The following COQ3 variants were observed in gnomAD, a reference collection of about 807,000 sequenced individuals.
COQ3 encodes ubiquinone biosynthesis O-methyltransferase, mitochondrial.
COQ3 carries 29 observed loss-of-function variants against 33.1 expected under a neutral mutation model. That is an observed-to-expected ratio of 0.88 (90% CI 0.65 to 1.19). The LOEUF is 1.19. Among genes scored for constraint, COQ3 ranks in the 50% most tolerant of loss-of-function variants. The pLI is 0.00. For missense variants in COQ3, 437 were observed against 430.7 expected (o/e 1.01, Z -0.13); for synonymous variants, 173 against 157.8 (o/e 1.10, Z -0.72).
chr6:99,385,202 G>A (rs552624136), intron 1 of COQ3, among the ~76,000 whole-genome samples: 8 of 152,198 alleles, frequency 5.3e-5, no homozygotes, highest in Non-Finnish European at 8.8e-5. Context: ...ACAATTGTAA[G>A]TTGGAGACTT....
chr6:99,375,793 G>C, intron 5 of COQ3, 147 bp downstream of exon 5: 1 of 744,754 alleles, frequency 1.3e-6, no homozygotes, highest in Non-Finnish European at 2.2e-6. Flanking sequence ...CAGCAGAGAT[G>C]CTGTCCCCTC....
chr6:99,381,860 A>G (rs955437030), intron 2 of COQ3, among the ~76,000 whole-genome samples: 7 of 149,174 alleles, frequency 4.7e-5, no homozygotes, highest in Non-Finnish European at 1.0e-4. Context: ...AGGGAGGTGG[A>G]GGCTACAGTG....
intron 1 of COQ3, among the ~76,000 whole-genome samples, chr6:99,393,811 G>GT: frequency 6.6e-6 from 1 of 152,210 alleles, no homozygotes; most frequent in Non-Finnish European, 1.5e-5. Flanking sequence ...CGGCTCCTGG[G>GT]GCAAGGAGCT....
In COQ3 at chr6:99,380,218, G is replaced by A. The variant is rs1387956515; in HGVS notation, c.357C>T (p.Ser119=). 7 of 1,613,800 alleles carry A rather than the reference G, an allele frequency of 4.3e-6. No individual in the cohort carries two copies. The highest frequency in any genetic ancestry group is 4.0e-5 in the African/African-American group (3 of 74,890). ...TAAATGGCACCCTCAGGTCATTCAT[G>A]GAATGAAGAGGTGCATATACTCCTT... ...DEQGVYAPLH[S]MNDLRVPFIR... The change falls in exon 3 of 7, where the codon TCC becomes TCT. Residue 119 remains serine, a synonymous_variant. Transcript: ENST00000254759.
chr6:99,384,821 T>C (rs1186470844), intron 1 of COQ3, among the ~76,000 whole-genome samples: 2 of 151,974 alleles, frequency 1.3e-5, no homozygotes, highest in East Asian at 3.9e-4. Flanking sequence ...ACTAAATGTG[T>C]ATGCACCAGC....
At chr6:99,370,081 G>A (rs1454655071) in intron 6 of COQ3, among the ~76,000 whole-genome samples, 1 of 152,072 alleles carries the variant, frequency 6.6e-6, no homozygotes. Context: ...ATCCCAGCTT[G>A]GGTACCTATT....
At position 99,391,611 on chromosome 6, in the gene COQ3, G is replaced by A. The variant is rs201265053; in HGVS notation, c.106+2463C>T. ...AAATTTTAACAATATCTGCTTTTAC[G>A]GACAGACAACCCTTGATCTCTCTCT... On this transcript the variant is annotated intron_variant, in intron 1 of 6. Transcript: ENST00000254759. Among the ~76,000 whole-genome samples, 1,126 of 151,928 alleles carry A rather than the reference G, an allele frequency of 7.4e-3. 15 individuals are homozygous for A. The highest frequency in any genetic ancestry group is 0.026 in the African/African-American group (1,064 of 41,422).
In COQ3 at chr6:99,394,150, G is replaced by A. The variant is rs376904996; in HGVS notation, c.30C>T (p.Ser10=). 3.1e-6 allele frequency: 5 copies of A among 1,606,754 alleles called. No individual in the cohort carries two copies. Among genetic ancestry groups the A allele is most frequent in the East Asian group, 2.3e-5 (1 of 43,866 alleles). Residue 10 remains serine, a synonymous_variant, in exon 1 of 7, where the codon TCC becomes TCT. Transcript: ENST00000254759. ...CCAGCACTCTTAAAAACCAACCCCC[G>A]GAGGAGCCCAGCTTACGGCCACTCC... The part of the protein sequence containing the change: MWSGRKLGS[S]GGWFLRVLGP...
intron 2 of COQ3, among the ~76,000 whole-genome samples, chr6:99,382,464 C>T (rs1774500863): frequency 6.6e-6 from 1 of 152,132 alleles, no homozygotes; most frequent in African/African-American, 2.4e-5. Flanking sequence ...TTTTAAGATT[C>T]AAGTGTCATT....
chr6:99,393,464 T>C (rs953209222), intron 1 of COQ3, among the ~76,000 whole-genome samples: 5 of 152,214 alleles, frequency 3.3e-5, no homozygotes, highest in Admixed American at 6.5e-5. Flanking sequence ...CCAGTGCTCA[T>C]ACCAGTGTCT....
intron 6 of COQ3, among the ~76,000 whole-genome samples, chr6:99,370,699 A>G (rs1192500841): frequency 1.3e-5 from 2 of 152,112 alleles, no homozygotes; most frequent in Non-Finnish European, 2.9e-5. Flanking sequence ...AATTTACTAC[A>G]TGGCTATGTA....
Position 99,380,304 on chromosome 6 carries a change from T to G in COQ3, c.271A>C (p.Thr91Pro). ...WARLYSTSQT[T>P]VDSGEVKTFL... is the part of the protein sequence containing the mutation. The stretch of plus-strand genomic sequence containing the variant: ...GTTTTTACCTCACCGCTGTCGACAG[T>G]GGTTTGGGAAGTACTGTACAGTCTC... The change falls in exon 3 of 7, where the codon ACT (threonine) becomes CCT (proline). Residue 91 changes from threonine (T) to proline (P), a missense_variant. Physicochemically the swap from Thr to Pro is conservative, Grantham distance 38. Transcript: ENST00000254759. The G allele has an allele frequency of 1.9e-6, 3 of 1,613,994 alleles. No individual in the cohort carries two copies. Among genetic ancestry groups the G allele is most frequent in the Non-Finnish European group, 2.5e-6 (3 of 1,179,972 alleles).
intron 2 of COQ3, among the ~76,000 whole-genome samples, chr6:99,382,740 G>T (rs993874959): frequency 6.6e-6 from 1 of 152,098 alleles, no homozygotes; most frequent in Non-Finnish European, 1.5e-5. Flanking sequence ...GATCACCTGA[G>T]ATCAGGAGTT....
chr6:99,370,806 G>A lies in COQ3; in HGVS notation c.889+622C>T, dbSNP rs186301666. On this transcript the variant is annotated intron_variant, in intron 6 of 6. Transcript: ENST00000254759. Reference sequence around the variant, plus strand: ...AGTCTAAGTACTCAACAGGAATACCGAATGCCAAATAAATGAACTGACAAG... The same window carrying A: ...AGTCTAAGTACTCAACAGGAATACCAAATGCCAAATAAATGAACTGACAAG... Among the ~76,000 whole-genome samples, 8 of 151,978 alleles carry A rather than the reference G, an allele frequency of 5.3e-5. No individual in the cohort carries two copies. In the South Asian group the frequency reaches 6.2e-4, roughly 12 times the overall value.
At chr6:99,370,521 G>T (rs1376608039) in intron 6 of COQ3, among the ~76,000 whole-genome samples, 1 of 151,506 alleles carries the variant, frequency 6.6e-6, no homozygotes, top group Non-Finnish European at 1.5e-5. Context: ...GCTAATTTTT[G>T]TATTTTTAGT....
chr6:99,392,532 T>C (rs1774859925), intron 1 of COQ3, among the ~76,000 whole-genome samples: 1 of 151,318 alleles, frequency 6.6e-6, no homozygotes, highest in South Asian at 2.1e-4. Context: ...CTTTACCTTC[T>C]GCCCTCCACC....
chr6:99,374,722 T>C (rs1774236687), intron 5 of COQ3, among the ~76,000 whole-genome samples: 2 of 152,184 alleles, frequency 1.3e-5, no homozygotes, highest in African/African-American at 4.8e-5. Flanking sequence ...GGTCTGGCCT[T>C]AAGCCCCACT....
intron 2 of COQ3, 36 bp downstream of exon 2, chr6:99,383,662 T>A (rs755406663): frequency 2.0e-6 from 3 of 1,490,044 alleles, no homozygotes; most frequent in Non-Finnish European, 1.8e-6. Flanking sequence ...TTACATATAA[T>A]TACGTGAATA....
At chr6:99,388,938 C>A (rs964777144) in intron 1 of COQ3, among the ~76,000 whole-genome samples, 1 of 148,178 alleles carries the variant, frequency 6.7e-6, no homozygotes, top group East Asian at 2.0e-4. Flanking sequence ...CACACACCCA[C>A]ATCCTCACTC....
Sources: gnomAD v4.1 joint callset for allele counts (sites outside exome capture counted in the v4.1 genomes callset) on GRCh38, gnomAD v4.1.1 for gene constraint, MANE v1.5 for transcripts, NCBI Gene and HGNC (gene_info 2026-07-23, HGNC 2026-07-21) for gene names.